The following GRTP1 variants were observed in gnomAD, a reference collection of about 807,000 sequenced individuals.
The protein encoded by GRTP1 is growth hormone-regulated TBC protein 1.
GRTP1 carries 56 observed loss-of-function variants against 38.1 expected under a neutral mutation model. The observed-to-expected ratio is 1.47, with a 90% CI of 1.19 to 1.84. The LOEUF is 1.84. Among genes scored for constraint, GRTP1 ranks in the 40% most tolerant of loss-of-function variants. The pLI is 0.00. For missense variants in GRTP1, 506 were observed against 453.9 expected (o/e 1.11, Z -1.04); for synonymous variants, 217 against 189.5 (o/e 1.14, Z -1.19).
chr13:113,338,484 G>A (rs879679502), intron 5 of GRTP1, among the ~76,000 whole-genome samples: 8 of 152,150 alleles, frequency 5.3e-5, no homozygotes, highest in African/African-American at 4.8e-5. Context: ...GGGGGAAACC[G>A]GGGAGGCAGA....
intron 7 of GRTP1, chr13:113,325,412 A>T (rs1399666783): frequency 1.4e-6 from 2 of 1,438,470 alleles, no homozygotes; most frequent in African/African-American, 2.9e-5. Context: ...ACAGCAGATG[A>T]GTACAGCCAT....
At position 113,342,291 on chromosome 13, in the gene GRTP1, G is replaced by T. The variant is rs2043036692; in HGVS notation, c.562+2572C>A. Among the ~76,000 whole-genome samples, 1 of 152,010 alleles carries T rather than the reference G, an allele frequency of 6.6e-6. No individual in the cohort carries two copies. Among genetic ancestry groups the T allele is most frequent in the African/African-American group, 2.4e-5 (1 of 41,360 alleles). On this transcript the variant is annotated intron_variant, in intron 5 of 7. Coordinates refer to ENST00000375431, the MANE Select transcript of GRTP1 (RefSeq NM_024719.4). The surrounding 1 kb of genome is among the most constrained non-coding windows in gnomAD (Gnocchi z 4.5). ...GAGGCCGAGGCAGGCGGATCACGAGGTCAGGAGATCGAGACCATCCTGGCT... is the reference window on the plus strand; with the variant it reads ...GAGGCCGAGGCAGGCGGATCACGAGTTCAGGAGATCGAGACCATCCTGGCT...
chr13:113,334,841 T>C (rs570295402), intron 5 of GRTP1, among the ~76,000 whole-genome samples: 3 of 152,276 alleles, frequency 2.0e-5, no homozygotes, highest in African/African-American at 7.2e-5. Context: ...TCTTTTGAGA[T>C]GGACACTTGC....
chr13:113,352,278 A>T (rs1166789705), intron 3 of GRTP1, among the ~76,000 whole-genome samples: 1 of 106,294 alleles, frequency 9.4e-6, no homozygotes. Flanking sequence ...ATTTTTATAT[A>T]TATTTATATA....
At chr13:113,352,920 C>G (rs1249145269) in intron 3 of GRTP1, among the ~76,000 whole-genome samples, 1 of 152,102 alleles carries the variant, frequency 6.6e-6, no homozygotes, top group East Asian at 1.9e-4. Context: ...AAAGCAGGGA[C>G]CCAGTAGAAT....
chr13:113,326,553 C>G (rs756075796), intron 5 of GRTP1, among the ~76,000 whole-genome samples: 8 of 152,104 alleles, frequency 5.3e-5, no homozygotes, highest in Admixed American at 1.3e-4. Flanking sequence ...CACCTGTAAC[C>G]CCAGCTATTC....
intron 4 of GRTP1, among the ~76,000 whole-genome samples, chr13:113,350,002 G>A (rs563107395): frequency 2.6e-5 from 4 of 152,204 alleles, no homozygotes; most frequent in South Asian, 2.1e-4. Context: ...CTCCAATCCC[G>A]GTGGCAGCCG....
chr13:113,355,610 G>A, intron 2 of GRTP1, 129 bp from the exon 3 acceptor site: 2 of 1,139,836 alleles, frequency 1.8e-6, no homozygotes, highest in African/African-American at 1.6e-5. Flanking sequence ...CCAGAACTTC[G>A]TCCATCTCCA....
Position 113,364,043 on chromosome 13 carries a change from G to T in GRTP1, c.9C>A (p.Pro3=). MQ[P]AERSRVPRID... ...ACCTGGGGACCCGCGAGCGCTCGGC[G>T]GGCTGCATGCGGGGAGGGAGGCGCG... is the stretch of plus-strand genomic sequence containing the variant. The change falls in exon 1 of 8, where the codon CCC becomes CCA. Residue 3 remains proline, a synonymous_variant. Transcript: ENST00000375431. 1.5e-6 allele frequency: 2 copies of T among 1,291,058 alleles called. No individual in the cohort carries two copies. Among genetic ancestry groups the T allele is most frequent in the Admixed American group, 3.9e-5 (1 of 25,336 alleles). The allele number at this position is 1,291,058 out of a possible 1,614,324, so 80.0% of individuals were successfully genotyped here.
rs769846837 is a variant in GRTP1, at chr13:113,348,820, G to A, written c.465+2029C>T. Among the ~76,000 whole-genome samples the A allele has an allele frequency of 9.2e-5, 14 of 151,994 alleles. No homozygotes were observed. Among genetic ancestry groups the A allele is most frequent in the African/African-American group, 7.3e-5 (3 of 41,360 alleles). On this transcript the variant is annotated intron_variant, in intron 4 of 7. Coordinates refer to ENST00000375431, the MANE Select transcript of GRTP1 (RefSeq NM_024719.4). The surrounding 1 kb of genome is among the most constrained non-coding windows in gnomAD (Gnocchi z 4.8). ...AAAGAACCCGCCCCGCAGACGCCGC[G>A]ACCTCACCTGCCCCGCAGATGCCGC...
chr13:113,344,944 C>G lies in GRTP1; in HGVS notation c.481G>C (p.Ala161Pro). 6.3e-7 allele frequency: 1 copy of G among 1,593,540 alleles called. No homozygotes were observed. Among genetic ancestry groups the G allele is most frequent in the Non-Finnish European group, 8.5e-7 (1 of 1,173,566 alleles). The change falls in exon 5 of 8, where the codon GCA becomes CCA. Residue 161 changes from alanine (A) to proline (P), a missense_variant. Transcript: ENST00000375431. ...TTTGTTATAAGAATCAGATATCCTG[C>G]TATAAAATTCATTCCCTGAAATTAG... ...VGYCQGMNFI[A>P]GYLILITNNE...
intron 3 of GRTP1, among the ~76,000 whole-genome samples, chr13:113,354,470 C>G (rs1218833146): frequency 6.6e-6 from 1 of 152,018 alleles, no homozygotes; most frequent in Non-Finnish European, 1.5e-5. Flanking sequence ...TTCTCAAAAA[C>G]TGTTAAAATC....
At chr13:113,352,358 T>TATATA (rs1566438036) in intron 3 of GRTP1, among the ~76,000 whole-genome samples, 7 of 19,050 alleles carry the variant, frequency 3.7e-4, no homozygotes, top group South Asian at 4.6e-3. Context: ...TTTATATATA[T>TATATA]TTTATATATA....
At chr13:113,357,821 G>A (rs1438966157) in intron 2 of GRTP1, among the ~76,000 whole-genome samples, 2 of 152,182 alleles carry the variant, frequency 1.3e-5, no homozygotes, top group African/African-American at 2.4e-5. Flanking sequence ...GAAGCAGAAA[G>A]GAGAGGCCAT....
chr13:113,357,672 T>A (rs1215026084), intron 2 of GRTP1, among the ~76,000 whole-genome samples: 3 of 152,112 alleles, frequency 2.0e-5, no homozygotes, highest in African/African-American at 7.2e-5. Context: ...CATACTGAGG[T>A]TTGCTGTAGG....
At chr13:113,338,288 G>T (rs555571141) in intron 5 of GRTP1, among the ~76,000 whole-genome samples, 219 of 152,308 alleles carry the variant, frequency 1.4e-3, no homozygotes, top group African/African-American at 4.9e-3. Flanking sequence ...CAGGTGTTCT[G>T]GGCTGAGAAC....
intron 2 of GRTP1, among the ~76,000 whole-genome samples, chr13:113,355,902 A>C: frequency 6.6e-6 from 1 of 152,234 alleles, no homozygotes; most frequent in East Asian, 1.9e-4. Flanking sequence ...CTGGGAGAAC[A>C]CGGTTTCAGT....
rs1017188130 is a variant in GRTP1 at position 113,343,538 on chromosome 13, C to A, written c.562+1325G>T. ...TTTGCCCCATCCGTGAGGACACACACTATGGTCTGTGAGTCACACAGCCAG... is the reference window on the plus strand; with the variant it reads ...TTTGCCCCATCCGTGAGGACACACAATATGGTCTGTGAGTCACACAGCCAG... On this transcript the variant is annotated intron_variant, in intron 5 of 7. Coordinates refer to ENST00000375431, the MANE Select transcript of GRTP1 (RefSeq NM_024719.4). This position sits in a 1 kb window ranked among gnomAD's most constrained non-coding sequence, Gnocchi z 4.8. 3.3e-5 allele frequency among the ~76,000 whole-genome samples: 5 copies of A among 152,244 alleles called. No individual in the cohort carries two copies. Among genetic ancestry groups the A allele is most frequent in the African/African-American group, 1.2e-4 (5 of 41,456 alleles).
chr13:113,351,021 C>G lies in GRTP1; in HGVS notation c.341-48G>C, dbSNP rs778174545. Reference sequence around the variant, plus strand: ...CACCCACGGGTTTCTGTTCCACAAGCCTCCCACCCCTCCAGCTGCCCCGAG... The same window carrying G: ...CACCCACGGGTTTCTGTTCCACAAGGCTCCCACCCCTCCAGCTGCCCCGAG... On this transcript the variant is annotated intron_variant, in intron 3 of 7. Transcript: ENST00000375431. 4.4e-6 allele frequency: 7 copies of G among 1,607,314 alleles called. No homozygotes were observed. The Admixed American group carries it at 5.0e-5, about 12-fold the overall frequency.
Sources: allele counts gnomAD v4.1 joint callset (sites outside exome capture counted in the v4.1 genomes callset), GRCh38; gene constraint gnomAD v4.1.1; non-coding constraint Gnocchi (gnomAD v3.1); transcripts MANE v1.5; gene names NCBI Gene and HGNC (gene_info 2026-07-23, HGNC 2026-07-21).